The following TSHZ2 variants were observed in gnomAD, a reference collection of about 807,000 sequenced individuals.
The protein encoded by TSHZ2 is teashirt zinc finger homeobox 2.
A neutral mutation model predicts 74.4 loss-of-function variants in TSHZ2; 21 were observed. That is an observed-to-expected ratio of 0.28 (90% CI 0.20 to 0.41). TSHZ2 has a LOEUF of 0.41. Among genes scored for constraint, TSHZ2 ranks in the 10% least tolerant of loss-of-function variants. The pLI is 1.00. For missense variants in TSHZ2, 1,244 were observed against 1,293.5 expected (o/e 0.96, Z 0.59); for synonymous variants, 540 against 515.3 (o/e 1.05, Z -0.65).
intron 1 of TSHZ2, among the ~76,000 whole-genome samples, chr20:53,019,600 C>A (rs778684329): frequency 6.6e-6 from 1 of 152,142 alleles, no homozygotes; most frequent in Non-Finnish European, 1.5e-5. Context: ...ATGTAATGGT[C>A]AGGTCTTGGC....
In TSHZ2 at chr20:53,266,923, G is replaced by A. The variant is rs1990731408; in HGVS notation, c.*8+10352G>A. Among the ~76,000 whole-genome samples, 7 of 152,078 alleles carry A rather than the reference G, an allele frequency of 4.6e-5. No individual in the cohort carries two copies. The South Asian group carries it at 1.5e-3, about 32-fold the overall frequency. On this transcript the variant is annotated intron_variant, in intron 2 of 2. Coordinates refer to ENST00000371497, the MANE Select transcript of TSHZ2 (RefSeq NM_173485.6). The stretch of plus-strand genomic sequence containing the variant: ...CTCCTGAGTAGCTGAGCTTACGGGT[G>A]CCACCACCACACTCAGCTAATTTTC...
At chr20:53,129,725 C>T (rs1987049786) in intron 1 of TSHZ2, among the ~76,000 whole-genome samples, 1 of 152,100 alleles carries the variant, frequency 6.6e-6, no homozygotes, top group South Asian at 2.1e-4. Flanking sequence ...GCAAGTTTGG[C>T]TGTCAGTCTA....
chr20:52,977,895 A>G (rs904828143), intron 1 of TSHZ2, among the ~76,000 whole-genome samples: 5 of 152,180 alleles, frequency 3.3e-5, no homozygotes, highest in Non-Finnish European at 7.4e-5. Flanking sequence ...GATGCTGAAG[A>G]TTACTTTTGG....
intron 2 of TSHZ2, among the ~76,000 whole-genome samples, chr20:53,387,613 C>T (rs73913718): frequency 0.013 from 1,954 of 152,300 alleles, 29 homozygotes; most frequent in African/African-American, 0.044. Context: ...ACCAACCTGA[C>T]ACTTGGACTC....
intron 2 of TSHZ2, among the ~76,000 whole-genome samples, chr20:53,470,019 A>G (rs1447865977): frequency 1.3e-5 from 2 of 152,192 alleles, no homozygotes; most frequent in African/African-American, 4.8e-5. Flanking sequence ...GGTTTGATAG[A>G]AGAAGAAAAA....
rs777775166 is a variant in TSHZ2, at chr20:53,041,205, C to CG, written c.40+67876dup. Among the ~76,000 whole-genome samples, 112 of 152,288 alleles carry CG rather than the reference C, an allele frequency of 7.4e-4. 1 individual carries two copies. The highest frequency in any genetic ancestry group is 3.5e-3 in the Admixed American group (53 of 15,298). On this transcript the variant is annotated intron_variant, in intron 1 of 2. Transcript: ENST00000371497. ...TTTATGGCCCATGTCTCCAAAAGGC[C>CG]GGGGAGGCCTTGGCGTTGCCAAGTT...
chr20:53,320,254 C>G (rs1979202650), intron 2 of TSHZ2, among the ~76,000 whole-genome samples: 1 of 152,210 alleles, frequency 6.6e-6, no homozygotes, highest in East Asian at 1.9e-4. Context: ...CCTGTTTTTT[C>G]AAATGAGGAA....
intron 2 of TSHZ2, among the ~76,000 whole-genome samples, chr20:53,463,341 C>A (rs1415776491): frequency 7.0e-6 from 1 of 143,324 alleles, no homozygotes; most frequent in Non-Finnish European, 1.5e-5. Flanking sequence ...ACTAGCCTGG[C>A]AACATAGGGA....
intron 1 of TSHZ2, among the ~76,000 whole-genome samples, chr20:52,980,991 A>T (rs1981545118): frequency 6.6e-6 from 1 of 152,238 alleles, no homozygotes; most frequent in Admixed American, 6.5e-5. Flanking sequence ...GCTGTAGAGA[A>T]GAGTCAAATC....
chr20:53,197,037 G>A (rs1410823645), intron 1 of TSHZ2, among the ~76,000 whole-genome samples: 2 of 152,090 alleles, frequency 1.3e-5, no homozygotes, highest in Non-Finnish European at 2.9e-5. Context: ...TCCATAATCG[G>A]TAATTTTTCC....
At chr20:53,030,943 T>C (rs1322060556) in intron 1 of TSHZ2, among the ~76,000 whole-genome samples, 2 of 152,244 alleles carry the variant, frequency 1.3e-5, no homozygotes, top group East Asian at 3.8e-4. Context: ...AAATATTCCA[T>C]TGTATGGATA....
chr20:53,378,731 C>T (rs2145635742), intron 2 of TSHZ2, among the ~76,000 whole-genome samples: 1 of 152,144 alleles, frequency 6.6e-6, no homozygotes, highest in South Asian at 2.1e-4. Context: ...GATCACAAAA[C>T]TTATTGTAAT....
chr20:53,405,968 G>A (rs2145687643), intron 2 of TSHZ2, among the ~76,000 whole-genome samples: 1 of 152,254 alleles, frequency 6.6e-6, no homozygotes, highest in African/African-American at 2.4e-5. Context: ...CTGCACTCCA[G>A]CCTGGGTGAC....
At chr20:53,277,050 G>A (rs1207674935) in intron 2 of TSHZ2, among the ~76,000 whole-genome samples, 1 of 152,182 alleles carries the variant, frequency 6.6e-6, no homozygotes, top group Non-Finnish European at 1.5e-5. Flanking sequence ...TCTAGAAAAG[G>A]AGTGGGTAGC....
At chr20:53,115,128 C>G (rs983492978) in intron 1 of TSHZ2, among the ~76,000 whole-genome samples, 1 of 152,154 alleles carries the variant, frequency 6.6e-6, no homozygotes, top group African/African-American at 2.4e-5. Context: ...TACTCCATGT[C>G]AGGCACTGTG....
At chr20:53,199,314 AAC>A (rs1362903277) in intron 1 of TSHZ2, among the ~76,000 whole-genome samples, 2 of 152,060 alleles carry the variant, frequency 1.3e-5, no homozygotes, top group South Asian at 2.1e-4. Flanking sequence ...CTCTACTGAA[AAC>A]ACAGAAAATC....
intron 2 of TSHZ2, among the ~76,000 whole-genome samples, chr20:53,469,060 T>TACAC (rs1568931561): frequency 8.3e-6 from 1 of 120,350 alleles, no homozygotes; most frequent in African/African-American, 3.2e-5. Flanking sequence ...TATATATATA[T>TACAC]ATATATATAT....
intron 1 of TSHZ2, among the ~76,000 whole-genome samples, chr20:53,143,249 G>A (rs368567530): frequency 2.6e-5 from 4 of 152,112 alleles, no homozygotes; most frequent in African/African-American, 7.2e-5. Flanking sequence ...AAAATACCAC[G>A]TTTACTAAAT....
At chr20:53,136,211 C>G (rs1987241666) in intron 1 of TSHZ2, among the ~76,000 whole-genome samples, 1 of 152,168 alleles carries the variant, frequency 6.6e-6, no homozygotes. Flanking sequence ...CCCATGTTAA[C>G]CCATTCATTC....
Sources: gnomAD v4.1 joint callset for allele counts (sites outside exome capture counted in the v4.1 genomes callset) on GRCh38, gnomAD v4.1.1 for gene constraint, MANE v1.5 for transcripts, NCBI Gene and HGNC (gene_info 2026-07-23, HGNC 2026-07-21) for gene names.